GPR89B: variants seen among roughly 807,000 people sequenced by gnomAD.
The protein encoded by GPR89B is G protein-coupled receptor 89B.
In GPR89B, 25 loss-of-function variants were observed where a neutral mutation model predicts 52.4. The ratio of observed to expected loss-of-function variants is 0.48; its 90% CI spans 0.35 to 0.67. The LOEUF is 0.67. Ranked by LOEUF, GPR89B falls within the 30% of genes least tolerant of loss-of-function variation. GPR89B has a pLI of 0.01. For missense variants in GPR89B, 146 were observed against 450.2 expected, an observed-to-expected ratio of 0.32 and a Z score of 6.11; for synonymous variants, 52 against 151.2, an observed-to-expected ratio of 0.34 and a Z score of 4.81.
the GPR89B span, among the ~76,000 whole-genome samples, chr1:148,025,402 A>G: frequency 6.6e-6 from 1 of 151,552 alleles, no homozygotes; most frequent in Non-Finnish European, 1.5e-5. Flanking sequence ...TCACACCTGT[A>G]ATCCCAGCAC....
the GPR89B span, among the ~76,000 whole-genome samples, chr1:148,015,658 G>A: frequency 6.8e-6 from 1 of 147,794 alleles, no homozygotes; most frequent in Non-Finnish European, 1.5e-5. Context: ...TTTGTTTACT[G>A]TCATTCATTT....
intron 10 of GPR89B, among the ~76,000 whole-genome samples, chr1:147,978,397 G>A (rs1176371531): frequency 2.0e-5 from 3 of 151,744 alleles, no homozygotes; most frequent in South Asian, 2.1e-4. Context: ...ACCTGATGCC[G>A]GCAGGAACGT....
At chr1:148,004,045 A>G in the GPR89B span, 2 of 443,440 alleles carry the variant, frequency 4.5e-6, no homozygotes, top group African/African-American at 4.3e-5. Flanking sequence ...GGGGAATAAG[A>G]AAGTTTCTGT....
At chr1:147,973,020 A>G (rs1212763627) in intron 10 of GPR89B, among the ~76,000 whole-genome samples, 20 of 151,304 alleles carry the variant, frequency 1.3e-4, no homozygotes, top group South Asian at 4.2e-4. Flanking sequence ...ATAGTATTCC[A>G]TGGTGTATAT....
At chr1:147,929,990 CAA>C (rs1255300498) in intron 1 of GPR89B, among the ~76,000 whole-genome samples, 69 of 152,294 alleles carry the variant, frequency 4.5e-4, no homozygotes, top group African/African-American at 1.3e-3. Flanking sequence ...AGAAAAATAA[CAA>C]TATTTAATTA....
intron 5 of GPR89B, among the ~76,000 whole-genome samples, chr1:147,945,011 A>G (rs1654848018): frequency 6.7e-6 from 1 of 150,122 alleles, no homozygotes; most frequent in African/African-American, 2.4e-5. Context: ...TTAATTATAC[A>G]GTATCAGGCA....
intron 5 of GPR89B, among the ~76,000 whole-genome samples, chr1:147,947,122 G>T (rs1655040051): frequency 6.6e-6 from 1 of 151,974 alleles, no homozygotes; most frequent in South Asian, 2.1e-4. Flanking sequence ...ATCACTTGAG[G>T]CCAGGAGTTA....
intron 10 of GPR89B, among the ~76,000 whole-genome samples, chr1:147,973,012 A>G (rs1231516230): frequency 7.3e-5 from 11 of 151,176 alleles, no homozygotes; most frequent in Non-Finnish European, 1.5e-4. Flanking sequence ...ATGGCAGTAT[A>G]GTATTCCATG....
the GPR89B span, chr1:148,022,146 G>T: frequency 6.6e-6 from 1 of 151,906 alleles, no homozygotes; most frequent in African/African-American, 2.4e-5. Context: ...TCTACAGGAG[G>T]TTTACCATTT....
intron 7 of GPR89B, among the ~76,000 whole-genome samples, chr1:147,964,240 G>T (rs1308328622): frequency 1.3e-5 from 2 of 151,528 alleles, no homozygotes; most frequent in African/African-American, 4.9e-5. Context: ...ATTTCAAAAA[G>T]TTTAACTAAA....
intron 10 of GPR89B, among the ~76,000 whole-genome samples, chr1:147,985,521 C>T (rs1212652115): frequency 2.6e-5 from 4 of 151,970 alleles, no homozygotes; most frequent in Non-Finnish European, 4.4e-5. Context: ...TTTATTGGAA[C>T]GCAGCCAAGT....
At chr1:147,971,098 T>A (rs1657427178) in intron 10 of GPR89B, among the ~76,000 whole-genome samples, 1 of 151,828 alleles carries the variant, frequency 6.6e-6, no homozygotes, top group Non-Finnish European at 1.5e-5. Flanking sequence ...GATAGTATGT[T>A]CAGTTAGCAA....
chr1:147,948,827 A>T (rs1459330284), intron 5 of GPR89B, among the ~76,000 whole-genome samples: 3 of 147,402 alleles, frequency 2.0e-5, no homozygotes, highest in Non-Finnish European at 3.0e-5. Flanking sequence ...TGGCAGGGTC[A>T]TAGGACAATA....
intron 5 of GPR89B, among the ~76,000 whole-genome samples, chr1:147,950,137 C>T (rs1218919058): frequency 4.7e-5 from 7 of 147,468 alleles, no homozygotes; most frequent in East Asian, 2.1e-4. Flanking sequence ...ACTTCCCAGA[C>T]GGGGTGGCTG....
the GPR89B span, among the ~76,000 whole-genome samples, chr1:148,004,347 A>G: frequency 7.1e-6 from 1 of 140,154 alleles, no homozygotes; most frequent in African/African-American, 2.7e-5. Context: ...TTGTATTTTT[A>G]GTAGAGACGG....
At chr1:148,013,593 G>A in the GPR89B span, among the ~76,000 whole-genome samples, 1 of 152,014 alleles carries the variant, frequency 6.6e-6, no homozygotes, top group Non-Finnish European at 1.5e-5. Flanking sequence ...CCCGTTCCCT[G>A]AGGAGCAGTG....
chr1:148,003,687 A>C, the GPR89B span: 6 of 542,994 alleles, frequency 1.1e-5, no homozygotes, highest in East Asian at 1.6e-4. Flanking sequence ...TATGCCGCTC[A>C]TGCATCTGGC....
chr1:147,951,118 C>G (rs1235309718), intron 5 of GPR89B, among the ~76,000 whole-genome samples: 1 of 151,766 alleles, frequency 6.6e-6, no homozygotes, highest in Admixed American at 6.6e-5. Context: ...AAAGCCCAGA[C>G]TCTGGAGCTA....
the GPR89B span, among the ~76,000 whole-genome samples, chr1:148,020,477 T>C: frequency 4.6e-5 from 7 of 151,512 alleles, no homozygotes; most frequent in South Asian, 8.4e-4. Flanking sequence ...TCAGGAGGCG[T>C]TGGCAGTTCA....
Sources: allele counts gnomAD v4.1 joint callset (sites outside exome capture counted in the v4.1 genomes callset), GRCh38; gene constraint gnomAD v4.1.1; transcripts MANE v1.5; gene names NCBI Gene and HGNC (gene_info 2026-07-23, HGNC 2026-07-21).